PKHD1: variants seen among roughly 807,000 people sequenced by gnomAD.
PKHD1 encodes the protein PKHD1 ciliary IPT domain containing fibrocystin/polyductin.
In PKHD1, 291 loss-of-function variants were observed where a neutral mutation model predicts 412.0. The ratio of observed to expected loss-of-function variants is 0.71; its 90% CI spans 0.64 to 0.78. The LOEUF is 0.78. PKHD1 is among the 30% of genes least tolerant of loss of function. The pLI, the probability that PKHD1 is intolerant of heterozygous loss-of-function variation, is 0.00. For synonymous variants in PKHD1, 1,777 were observed against 1,821.5 expected (o/e 0.98, Z 0.62); for missense variants, 4,825 against 4,950.7 (o/e 0.97, Z 0.76).
chr6:51,856,039 T>C lies in PKHD1; in HGVS notation c.7765A>G (p.Thr2589Ala). Residue 2589 changes from threonine to alanine, a missense_variant, in exon 49 of 67, where the codon ACC becomes GCC. Physicochemically the swap from Thr to Ala is moderately conservative, Grantham distance 58 (BLOSUM62 0). Coordinates refer to ENST00000371117, the MANE Select transcript of PKHD1 (RefSeq NM_138694.4). ...GTTTTATTTCTGCTGTCAGTCATGGTTAAATCATAAGAAACTTCAGGAGTA... is the reference window on the plus strand; with the variant it reads ...GTTTTATTTCTGCTGTCAGTCATGGCTAAATCATAAGAAACTTCAGGAGTA... ...ANTPEVSYDL[T>A]MTDSRNKTTT... is the part of the protein sequence containing the mutation. The C allele has an allele frequency of 6.2e-7, 1 of 1,608,258 alleles. No homozygotes were observed. Among genetic ancestry groups the C allele is most frequent in the Non-Finnish European group, 8.5e-7 (1 of 1,174,826 alleles).
chr6:51,896,242 C>T (rs1225046742), intron 43 of PKHD1, among the ~76,000 whole-genome samples: 2 of 151,988 alleles, frequency 1.3e-5, no homozygotes, highest in Non-Finnish European at 2.9e-5. Context: ...CAACAGTAAC[C>T]TCTGCAGACT....
chr6:52,034,652 A>C (rs960796131), intron 28 of PKHD1, among the ~76,000 whole-genome samples: 1 of 152,212 alleles, frequency 6.6e-6, no homozygotes, highest in Non-Finnish European at 1.5e-5. Context: ...ATATTAATTT[A>C]TCCTGAGAAA....
chr6:51,939,095 C>T (rs957182927), intron 36 of PKHD1, among the ~76,000 whole-genome samples: 4 of 151,516 alleles, frequency 2.6e-5, no homozygotes, highest in African/African-American at 9.7e-5. Flanking sequence ...TGTCTGACCA[C>T]GTGGGGATGC....
chr6:51,731,701 C>T (rs1375566156), intron 60 of PKHD1, among the ~76,000 whole-genome samples: 1 of 152,042 alleles, frequency 6.6e-6, no homozygotes, highest in Non-Finnish European at 1.5e-5. Flanking sequence ...TACTACATGG[C>T]TTAAAAAATC....
chr6:51,698,891 A>T (rs1472358104), intron 60 of PKHD1, among the ~76,000 whole-genome samples: 1 of 152,174 alleles, frequency 6.6e-6, no homozygotes, highest in Non-Finnish European at 1.5e-5. Flanking sequence ...ATCCTTTTTG[A>T]TCATAACTAC....
chr6:51,992,968 C>T (rs936727019), intron 35 of PKHD1, among the ~76,000 whole-genome samples: 1 of 152,214 alleles, frequency 6.6e-6, no homozygotes, highest in Non-Finnish European at 1.5e-5. Flanking sequence ...CGGAGTGGCA[C>T]CAGAGGATTG....
chr6:52,077,236 C>T (rs1811449223), intron 5 of PKHD1, among the ~76,000 whole-genome samples: 1 of 152,152 alleles, frequency 6.6e-6, no homozygotes. Context: ...CCAGGAACTC[C>T]ATCTCACCTG....
chr6:51,912,663 T>G lies in PKHD1; in HGVS notation c.6122-87A>C, dbSNP rs1031415056. 11 of 954,480 alleles carry G rather than the reference T, an allele frequency of 1.2e-5. No individual in the cohort carries two copies. The African/African-American group carries it at 1.3e-4, about 11-fold the overall frequency. The allele number at this position is 954,480 out of a possible 1,614,324, so 59.1% of individuals were successfully genotyped here. Reference sequence around the variant, plus strand: ...TTAATCATTAATAAATGTGATGTTATTTAGCCAAAGAATCCCATAAAATAA... The same window carrying G: ...TTAATCATTAATAAATGTGATGTTAGTTAGCCAAAGAATCCCATAAAATAA... On this transcript the variant is annotated intron_variant, in intron 37 of 66. Coordinates refer to ENST00000371117, the MANE Select transcript of PKHD1 (RefSeq NM_138694.4).
chr6:51,638,813 A>AAAC, intron 64 of PKHD1, 36 bp downstream of exon 64: 1 of 1,319,042 alleles, frequency 7.6e-7, no homozygotes, highest in Non-Finnish European at 1.1e-6. Context: ...AAAAAAAAAA[A>AAAC]AAAACACAGA....
intron 29 of PKHD1, 110 bp from the exon 30 acceptor site, chr6:52,028,461 A>G (rs1802559616): frequency 3.1e-6 from 3 of 980,320 alleles, no homozygotes; most frequent in Non-Finnish European, 4.8e-6. Context: ...ACCCCTATGC[A>G]TAATACTCTT....
Position 51,828,107 on chromosome 6 carries a change from AGAG to A in PKHD1, c.8302+2751_8302+2753del, listed in dbSNP as rs1767634048. Among the ~76,000 whole-genome samples, 7 of 152,254 alleles carry A rather than the reference AGAG, an allele frequency of 4.6e-5. No homozygotes were observed. In the South Asian group the frequency reaches 1.5e-3, roughly 32 times the overall value. On this transcript the variant is annotated intron_variant, in intron 52 of 66. Transcript: ENST00000371117. ...TTTCAAGTTAAGAATGCGGATGGTA[AGAG>A]AAGAATGTGGAGGGGCATAAATTCA...
chr6:51,673,475 A>G (rs924545964), intron 60 of PKHD1, among the ~76,000 whole-genome samples: 2 of 152,208 alleles, frequency 1.3e-5, no homozygotes, highest in African/African-American at 2.4e-5. Context: ...CTCACTTGCT[A>G]TAGCAAGTTC....
intron 50 of PKHD1, among the ~76,000 whole-genome samples, chr6:51,842,443 G>A (rs908088093): frequency 3.9e-5 from 6 of 152,326 alleles, no homozygotes; most frequent in Non-Finnish European, 5.9e-5. Flanking sequence ...AGGGTCAAAA[G>A]TAAGTTGACC....
Position 52,010,245 on chromosome 6 carries a change from T to A in PKHD1, c.5751+64A>T, listed in dbSNP as rs535759855. 3.2e-5 allele frequency: 46 copies of A among 1,435,564 alleles called. No individual in the cohort carries two copies. The Admixed American group carries it at 5.4e-4, about 17-fold the overall frequency. The allele number at this position is 1,435,564 out of a possible 1,614,324, so 88.9% of individuals were successfully genotyped here. A position where few individuals can be genotyped will look rare whatever the true frequency, so the allele number is the denominator to read the frequency against. ...TTTGGACTAAATTGTTTTTTTAATG[T>A]ACACAATATTACAAATTTAATTTGA... On this transcript the variant is annotated intron_variant, in intron 35 of 66. Coordinates refer to ENST00000371117, the MANE Select transcript of PKHD1 (RefSeq NM_138694.4).
intron 62 of PKHD1, among the ~76,000 whole-genome samples, chr6:51,648,330 A>G (rs1380033554): frequency 6.6e-6 from 1 of 152,216 alleles, no homozygotes; most frequent in Non-Finnish European, 1.5e-5. Context: ...ATTGCAAGAC[A>G]AGTTGGGGCA....
rs568111199 is a variant in PKHD1 at position 51,957,026 on chromosome 6, A to G, written c.5908+2844T>C. 4.1e-4 allele frequency among the ~76,000 whole-genome samples: 62 copies of G among 152,228 alleles called. 2 individuals are homozygous for G. The South Asian group carries it at 0.013, about 31-fold the overall frequency. ...AACTGCTGGGGGTTTACTTTACCATATAGCATAAAAGCCAAATATCCATTA... is the reference window on the plus strand; with the variant it reads ...AACTGCTGGGGGTTTACTTTACCATGTAGCATAAAAGCCAAATATCCATTA... On this transcript the variant is annotated intron_variant, in intron 36 of 66. Transcript: ENST00000371117.
intron 45 of PKHD1, among the ~76,000 whole-genome samples, chr6:51,885,105 T>C (rs987365590): frequency 3.9e-5 from 6 of 152,322 alleles, no homozygotes; most frequent in African/African-American, 1.4e-4. Context: ...TTCACCTATA[T>C]ATCTTATGTT....
chr6:51,847,529 A>C (rs993616504), intron 50 of PKHD1, among the ~76,000 whole-genome samples: 3 of 152,066 alleles, frequency 2.0e-5, no homozygotes, highest in African/African-American at 4.8e-5. Context: ...GGTAGGCCCT[A>C]TGGTCATACT....
In PKHD1 at chr6:51,911,973, G is replaced by A. The variant is rs1050983407; in HGVS notation, c.6333-17C>T. On this transcript the variant is annotated splice_polypyrimidine_tract_variant and intron_variant, in intron 38 of 66. Transcript: ENST00000371117. Reference sequence around the variant, plus strand: ...TGAGAATATCTGGAGAAAAAAAGAGGATGATAGAACTGAGGACATCACTCC... The same window carrying A: ...TGAGAATATCTGGAGAAAAAAAGAGAATGATAGAACTGAGGACATCACTCC... The A allele has an allele frequency of 6.3e-7, 1 of 1,599,574 alleles. No homozygotes were observed. The highest frequency in any genetic ancestry group is 1.3e-5 in the African/African-American group (1 of 74,426).
Sources: allele counts gnomAD v4.1 joint callset (sites outside exome capture counted in the v4.1 genomes callset), GRCh38; gene constraint gnomAD v4.1.1; transcripts MANE v1.5; gene names NCBI Gene and HGNC (gene_info 2026-07-23, HGNC 2026-07-21).